The following SECISBP2 variants were observed in gnomAD, a reference collection of about 807,000 sequenced individuals.
SECISBP2 encodes selenocysteine insertion sequence-binding protein 2.
A neutral mutation model predicts 98.2 loss-of-function variants in SECISBP2; 96 were observed. The observed-to-expected ratio is 0.98, with a 90% CI of 0.83 to 1.16. The LOEUF is 1.16. Among genes scored for constraint, SECISBP2 ranks in the 50% most tolerant of loss-of-function variants. SECISBP2 has a pLI of 0.00. For missense variants in SECISBP2, 1,046 were observed against 1,022.9 expected, an observed-to-expected ratio of 1.02 and a Z score of -0.31; for synonymous variants, 407 against 370.2, an observed-to-expected ratio of 1.10 and a Z score of -1.14.
chr9:89,348,228 T>C lies in SECISBP2; in HGVS notation c.1738+14T>C, dbSNP rs1587982747. 1 of 1,613,886 alleles carries C rather than the reference T, an allele frequency of 6.2e-7. No individual in the cohort carries two copies. The highest frequency in any genetic ancestry group is 2.2e-5 in the East Asian group (1 of 44,874). Reference sequence around the variant, plus strand: ...CAGAGCTGTCAGGTACCAACTTCTCTTTGTGCCTTAAGAATAATTTAAACG... The same window carrying C: ...CAGAGCTGTCAGGTACCAACTTCTCCTTGTGCCTTAAGAATAATTTAAACG... On this transcript the variant is annotated intron_variant, in intron 12 of 16. Coordinates refer to ENST00000375807, the MANE Select transcript of SECISBP2 (RefSeq NM_024077.5).
intron 9 of SECISBP2, 36 bp from the exon 10 acceptor site, chr9:89,341,311 G>A (rs761344069): frequency 1.7e-5 from 27 of 1,590,264 alleles, no homozygotes; most frequent in Non-Finnish European, 2.3e-5. Flanking sequence ...AGTTTGTATA[G>A]TTTTATAAGT....
At chr9:89,365,711 A>T in the SECISBP2 span, 1 of 152,266 alleles carries the variant, frequency 6.6e-6, no homozygotes, top group Non-Finnish European at 1.5e-5. Context: ...CCTTGTTCTC[A>T]GGTGTAGGGG....
intron 5 of SECISBP2, among the ~76,000 whole-genome samples, chr9:89,332,242 A>G (rs1249627838): frequency 6.6e-6 from 1 of 152,178 alleles, no homozygotes; most frequent in Non-Finnish European, 1.5e-5. Flanking sequence ...ACACACACAC[A>G]CACACAGCCT....
intron 12 of SECISBP2, among the ~76,000 whole-genome samples, chr9:89,349,390 A>G (rs1401627368): frequency 6.6e-6 from 1 of 152,256 alleles, no homozygotes; most frequent in African/African-American, 2.4e-5. Flanking sequence ...CATTTGAGAA[A>G]AAACTTAGAA....
chr9:89,334,619 G>A lies in SECISBP2; in HGVS notation c.978G>A (p.Lys326=), dbSNP rs1828317688. The A allele has an allele frequency of 6.2e-7, 1 of 1,614,068 alleles. No homozygotes were observed. The highest frequency in any genetic ancestry group is 2.2e-5 in the East Asian group (1 of 44,868). The change falls in exon 7 of 17, where the codon AAG becomes AAA. Residue 326 remains lysine, a synonymous_variant. Coordinates refer to ENST00000375807, the MANE Select transcript of SECISBP2 (RefSeq NM_024077.5). ...ATGTTACTTCTATGATAAACTTAAA[G>A]ACCATTGCTTCATCAGCAGATCCTA... The part of the protein sequence containing the change: ...PKNVTSMINL[K]TIASSADPKN...
In SECISBP2 at chr9:89,332,987, G is replaced by T. The variant is rs776492407; in HGVS notation, c.880+1G>T. The T allele has an allele frequency of 6.2e-7, 1 of 1,612,448 alleles. No homozygotes were observed. The highest frequency in any genetic ancestry group is 8.5e-7 in the Non-Finnish European group (1 of 1,178,974). ...ACCAATTCTCCTTCATGTACAAGAG[G>T]TAAAAGTGGCTGCAAAAATGTTAAT... On this transcript the variant is annotated splice_donor_variant, in intron 6 of 16. Transcript: ENST00000375807. LOFTEE classifies it high-confidence loss of function.
chr9:89,325,224 G>GA, intron 2 of SECISBP2: 2 of 589,452 alleles, frequency 3.4e-6, no homozygotes, highest in South Asian at 4.1e-5. Context: ...GCTCATTAGT[G>GA]AAAAAATAGA....
chr9:89,343,511 G>T (rs1295039571), intron 10 of SECISBP2, among the ~76,000 whole-genome samples: 1 of 152,026 alleles, frequency 6.6e-6, no homozygotes, highest in East Asian at 1.9e-4. Context: ...CCACCCTCAA[G>T]TAGGCCCCAG....
chr9:89,318,977 C>T, intron 1 of SECISBP2: 3 of 1,087,384 alleles, frequency 2.8e-6, no homozygotes, highest in Non-Finnish European at 2.2e-6. Flanking sequence ...TTCTGAACGT[C>T]ATTCTCCGCT....
chr9:89,344,842 A>G (rs1005150757), intron 10 of SECISBP2, among the ~76,000 whole-genome samples: 1 of 152,246 alleles, frequency 6.6e-6, no homozygotes, highest in Non-Finnish European at 1.5e-5. Flanking sequence ...ATTATAAACC[A>G]AACACTGCAG....
chr9:89,353,266 G>A (rs1339137750), intron 14 of SECISBP2, among the ~76,000 whole-genome samples: 1 of 152,178 alleles, frequency 6.6e-6, no homozygotes, highest in Non-Finnish European at 1.5e-5. Context: ...AACTTCTGCT[G>A]TAGGATGATG....
chr9:89,318,900 G>A lies in SECISBP2; in HGVS notation c.36+288G>A, dbSNP rs780988736. Reference sequence around the variant, plus strand: ...GCCCGGCGCTCCCCGCAGTCGGGGCGGGGGGACTCTGGCGAGCTTCCCGCG... The same window carrying A: ...GCCCGGCGCTCCCCGCAGTCGGGGCAGGGGGACTCTGGCGAGCTTCCCGCG... On this transcript the variant is annotated intron_variant, in intron 1 of 16. Transcript: ENST00000375807. The A allele has an allele frequency of 2.2e-4, 278 of 1,237,098 alleles. 2 individuals carry two copies. Among genetic ancestry groups the A allele is most frequent in the Non-Finnish European group, 2.7e-4 (268 of 990,132 alleles). The allele number at this position is 1,237,098 out of a possible 1,614,324, so 76.6% of individuals were successfully genotyped here. A position where few individuals can be genotyped will look rare whatever the true frequency, so the allele number is the denominator to read the frequency against.
At position 89,319,639 on chromosome 9, in the gene SECISBP2, T is replaced by TG. The variant is rs771549420; in HGVS notation, c.37-13_37-12insG. 2.2e-5 allele frequency: 36 copies of TG among 1,613,914 alleles called. No homozygotes were observed. Among genetic ancestry groups the TG allele is most frequent in the Non-Finnish European group, 3.0e-5 (35 of 1,180,012 alleles). ...CTGAATGTTTGTGGCCAAAACCTCA[T>TG]ATTTTTCCTCAGGGCATCAAGTTAT... On this transcript the variant is annotated splice_polypyrimidine_tract_variant and intron_variant, in intron 1 of 16. Transcript: ENST00000375807.
chr9:89,363,865 A>C, downstream of SECISBP2: 1 of 1,614,118 alleles, frequency 6.2e-7, no homozygotes, highest in East Asian at 2.2e-5. Flanking sequence ...GGGCCCTGCC[A>C]TCGGGCAGTG....
intron 5 of SECISBP2, among the ~76,000 whole-genome samples, chr9:89,332,025 T>C (rs927459645): frequency 6.6e-6 from 1 of 152,340 alleles, no homozygotes; most frequent in East Asian, 1.9e-4. Flanking sequence ...TATGTACTTA[T>C]ATATTTGGAA....
downstream of SECISBP2, chr9:89,362,323 T>G: frequency 6.2e-7 from 1 of 1,613,214 alleles, no homozygotes; most frequent in Non-Finnish European, 8.5e-7. Flanking sequence ...GGACCAGGCC[T>G]TCTCCGGGGG....
chr9:89,352,695 T>C (rs937080296), intron 14 of SECISBP2, among the ~76,000 whole-genome samples: 42 of 152,320 alleles, frequency 2.8e-4, no homozygotes, highest in African/African-American at 9.6e-4. Context: ...TCACATTATT[T>C]GTTTCCTGCT....
chr9:89,355,602 T>G, intron 14 of SECISBP2: 1 of 940,204 alleles, frequency 1.1e-6, no homozygotes, highest in Non-Finnish European at 1.3e-6. Flanking sequence ...AAAAAAAAAA[T>G]TGGCCATGCA....
chr9:89,345,164 G>A (rs1181693357), intron 10 of SECISBP2, among the ~76,000 whole-genome samples: 1 of 152,166 alleles, frequency 6.6e-6, no homozygotes, highest in Non-Finnish European at 1.5e-5. Context: ...TCCCTATAGC[G>A]AGTCTTCCCC....
Sources: allele counts gnomAD v4.1 joint callset (sites outside exome capture counted in the v4.1 genomes callset), GRCh38; gene constraint gnomAD v4.1.1; transcripts MANE v1.5; gene names NCBI Gene and HGNC (gene_info 2026-07-23, HGNC 2026-07-21).